Variants in GPRASP2 observed in about 807,000 individuals in gnomAD.
GPRASP2 encodes the protein G protein-coupled receptor-associated sorting protein 2.
A neutral mutation model predicts 36.0 loss-of-function variants in GPRASP2; 10 were observed. The ratio of observed to expected loss-of-function variants is 0.28; its 90% CI spans 0.17 to 0.47. The LOEUF (loss-of-function observed/expected upper bound fraction) is 0.47. Ranked by LOEUF, GPRASP2 falls within the 20% of genes least tolerant of loss-of-function variation. The probability of loss-of-function intolerance (pLI) is 0.99; values close to 1 mark genes in which losing one functional copy is unlikely to be tolerated. For synonymous variants in GPRASP2, 219 were observed against 230.5 expected (o/e 0.95, Z 0.45); for missense variants, 538 against 626.7 (o/e 0.86, Z 1.51).
chrX:102,716,432 T>C lies in GPRASP2; in HGVS notation c.1563T>C (p.Ser521=). The C allele has an allele frequency of 8.2e-7, 1 of 1,212,182 alleles. No individual in the cohort carries two copies. The highest frequency in any genetic ancestry group is 1.1e-6 in the Non-Finnish European group (1 of 895,639). The change falls in exon 5 of 5, where the codon TCT becomes TCC. Residue 521 remains serine (S), a synonymous_variant. Coordinates refer to ENST00000483720, the MANE Select transcript of GPRASP2 (RefSeq NM_001004051.4). ...CCTTTGGAATTCCCGAAGAGGCTTCTGAAATGCTTGAGGCAAAGCCCAAGA... is the reference window on the plus strand; with the variant it reads ...CCTTTGGAATTCCCGAAGAGGCTTCCGAAATGCTTGAGGCAAAGCCCAAGA... ...TSPFGIPEEA[S]EMLEAKPKNL...
In GPRASP2 at chrX:102,717,140, T is replaced by C. The variant is rs766174282; in HGVS notation, c.2271T>C (p.Ser757=). ...ENPAVAKKLF[S]AKALSIFVGL... is the part of the protein sequence containing the mutation. ...CTGCTGTGGCAAAAAAACTATTCAG[T>C]GCCAAAGCTCTTTCAATATTTGTGG... is the stretch of plus-strand genomic sequence containing the variant. The change falls in exon 5 of 5, where the codon AGT becomes AGC. Residue 757 remains serine, a synonymous_variant. Coordinates refer to ENST00000483720, the MANE Select transcript of GPRASP2 (RefSeq NM_001004051.4). The C allele has an allele frequency of 2.5e-6, 3 of 1,192,155 alleles. No individual in the cohort carries two copies. Among genetic ancestry groups the C allele is most frequent in the Non-Finnish European group, 2.3e-6 (2 of 882,194 alleles).
rs1197503202 is a variant in GPRASP2 at position 102,716,643 on chromosome X, A to C, written c.1774A>C (p.Lys592Gln). Reference sequence around the variant, plus strand: ...CTGCAGCTGCATACAATGTGAGCTGAAAATTGGTTCTGAAGAGTTTGAAGA... The same window carrying C: ...CTGCAGCTGCATACAATGTGAGCTGCAAATTGGTTCTGAAGAGTTTGAAGA... ...WSCSCIQCEL[K>Q]IGSEEFEEFL... Residue 592 changes from lysine (K) to glutamine (Q), a missense_variant, in exon 5 of 5, where the codon AAA becomes CAA. Lys to Gln is a moderately conservative substitution (Grantham distance 53). This residue lies in a region of GPRASP2 where 262 missense variants were observed against 351.7 expected (regional missense o/e 0.74). Transcript: ENST00000483720. The C allele has an allele frequency of 8.3e-7, 1 of 1,212,016 alleles. No individual in the cohort carries two copies.
At chrX:102,713,998 G>A in intron 3 of GPRASP2, 149 bp downstream of exon 3, 1 of 111,493 alleles carries the variant, frequency 9.0e-6, no homozygotes, top group Non-Finnish European at 1.9e-5. Flanking sequence ...ATTTCTTGCA[G>A]GAGACACGAG....
In GPRASP2 at chrX:102,717,124, C is replaced by CA. The variant is rs776254952; in HGVS notation, c.2262dup (p.Leu755ThrfsTer15). 1.7e-6 allele frequency: 2 copies of CA among 1,199,482 alleles called. No individual in the cohort carries two copies. Among genetic ancestry groups the CA allele is most frequent in the Non-Finnish European group, 2.3e-6 (2 of 886,474 alleles). On this transcript the variant is annotated frameshift_variant, in exon 5 of 5. Coordinates refer to ENST00000483720, the MANE Select transcript of GPRASP2 (RefSeq NM_001004051.4). LOFTEE classifies it high-confidence loss of function. ...AATTTGTCTGAAAATCCTGCTGTGG[C>CA]AAAAAAACTATTCAGTGCCAAAGCT...
chrX:102,716,868 C>T lies in GPRASP2; in HGVS notation c.1999C>T (p.Pro667Ser), dbSNP rs372423590. 7.4e-6 allele frequency: 9 copies of T among 1,209,546 alleles called. No homozygotes were observed. In the African/African-American group the frequency reaches 1.6e-4, roughly 21 times the overall value. The change falls in exon 5 of 5, where the codon CCA becomes TCA. Residue 667 changes from proline to serine, a missense_variant. Pro to Ser is a moderately conservative substitution (Grantham distance 74). Around this residue, in one of 2 missense-constraint regions of GPRASP2, gnomAD observed 262 missense variants for 351.7 expected, o/e 0.74. Coordinates refer to ENST00000483720, the MANE Select transcript of GPRASP2 (RefSeq NM_001004051.4). ...SFLENMIHMA[P>S]PYPNLNMIET... ...TTTGGAAAATATGATTCACATGGCTCCACCTTATCCAAATCTAAACATGAT... is the reference window on the plus strand; with the variant it reads ...TTTGGAAAATATGATTCACATGGCTTCACCTTATCCAAATCTAAACATGAT...
In GPRASP2 at chrX:102,714,940, C is replaced by T; in HGVS notation, c.71C>T (p.Ala24Val). ...AAGAAGGCTGGGGAAGAGGTTATCGCTGGGCCTGAGAGAGAGAATGATGTC... is the reference window on the plus strand; with the variant it reads ...AAGAAGGCTGGGGAAGAGGTTATCGTTGGGCCTGAGAGAGAGAATGATGTC... Reference protein sequence around the residue: ...PEKKAGEEVIAGPERENDVPL... With the variant: ...PEKKAGEEVIVGPERENDVPL... Residue 24 changes from alanine (A) to valine (V), a missense_variant, in exon 5 of 5, where the codon GCT becomes GTT. By Grantham distance (64) the Ala-to-Val change is moderately conservative. Transcript: ENST00000483720. 2 of 1,212,474 alleles carry T rather than the reference C, an allele frequency of 1.6e-6. No homozygotes were observed. Among genetic ancestry groups the T allele is most frequent in the Non-Finnish European group, 2.2e-6 (2 of 895,676 alleles).
At chrX:102,712,893 C>A (rs2081894297) in intron 1 of GPRASP2, among the ~76,000 whole-genome samples, 1 of 112,715 alleles carries the variant, frequency 8.9e-6, no homozygotes, top group Non-Finnish European at 1.9e-5. Flanking sequence ...GAGGCTCCTG[C>A]GGGAGAAATG....
chrX:102,716,949 C>T lies in GPRASP2; in HGVS notation c.2080C>T (p.Leu694Phe). Reference protein sequence around the residue: ...EETLAHSVDSLEQLTGIRMLR... With the variant: ...EETLAHSVDSFEQLTGIRMLR... ...AACCCTTGCACATAGTGTGGATTCC[C>T]TTGAGCAGCTGACTGGAATAAGGAT... is the stretch of plus-strand genomic sequence containing the variant. Residue 694 changes from leucine (L) to phenylalanine (F), a missense_variant, in exon 5 of 5, where the codon CTT (leucine) becomes TTT (phenylalanine). Physicochemically the swap from Leu to Phe is conservative, Grantham distance 22. Around this residue, in one of 2 missense-constraint regions of GPRASP2, gnomAD observed 262 missense variants for 351.7 expected, o/e 0.74. Transcript: ENST00000483720. 1 of 1,202,125 alleles carries T rather than the reference C, an allele frequency of 8.3e-7. No homozygotes were observed. Among genetic ancestry groups the T allele is most frequent in the Non-Finnish European group, 1.1e-6 (1 of 890,297 alleles).
At position 102,715,304 on chromosome X, in the gene GPRASP2, G is replaced by C. The variant is rs2081946082; in HGVS notation, c.435G>C (p.Val145=). ...GTEAVSQAEG[V]SQTNAVAWPL... is the part of the protein sequence containing the mutation. ...AAGCAGTGTCACAGGCAGAAGGAGT[G>C]TCCCAGACTAATGCCGTTGCTTGGC... The change falls in exon 5 of 5, where the codon GTG becomes GTC. Residue 145 remains valine, a synonymous_variant. Transcript: ENST00000483720. The C allele has an allele frequency of 8.2e-7, 1 of 1,212,582 alleles. No homozygotes were observed. Among genetic ancestry groups the C allele is most frequent in the Non-Finnish European group, 1.1e-6 (1 of 895,661 alleles).
chrX:102,716,881 A>T lies in GPRASP2; in HGVS notation c.2012A>T (p.Asn671Ile), dbSNP rs765811522. 8.3e-7 allele frequency: 1 copy of T among 1,209,601 alleles called. No homozygotes were observed. Among genetic ancestry groups the T allele is most frequent in the Non-Finnish European group, 1.1e-6 (1 of 895,118 alleles). The stretch of plus-strand genomic sequence containing the variant: ...ATTCACATGGCTCCACCTTATCCAA[A>T]TCTAAACATGATTGAGACATTCATA... The part of the protein sequence containing the change: ...NMIHMAPPYP[N>I]LNMIETFICQ... The change falls in exon 5 of 5, where the codon AAT (asparagine) becomes ATT (isoleucine). Residue 671 changes from asparagine (N) to isoleucine (I), a missense_variant. Coordinates refer to ENST00000483720, the MANE Select transcript of GPRASP2 (RefSeq NM_001004051.4).
chrX:102,716,181 G>T lies in GPRASP2; in HGVS notation c.1312G>T (p.Glu438Ter). ...KSSLGAVARE[E>*]AKPESEEEAI... ...CAGTTTGGGGGCTGTGGCCAGAGAAGAGGCCAAGCCGGAGTCTGAAGAAGA... is the reference window on the plus strand; with the variant it reads ...CAGTTTGGGGGCTGTGGCCAGAGAATAGGCCAAGCCGGAGTCTGAAGAAGA... Residue 438 changes from glutamate (E) to a stop codon, truncating the protein, a stop_gained, in exon 5 of 5, where the codon GAG (glutamate) becomes TAG (stop). Coordinates refer to ENST00000483720, the MANE Select transcript of GPRASP2 (RefSeq NM_001004051.4). LOFTEE classifies it high-confidence loss of function. 1.7e-6 allele frequency: 2 copies of T among 1,210,019 alleles called. No individual in the cohort carries two copies. The highest frequency in any genetic ancestry group is 2.2e-6 in the Non-Finnish European group (2 of 894,956).
At position 102,715,924 on chromosome X, in the gene GPRASP2, A is replaced by G. The variant is rs1051343650; in HGVS notation, c.1055A>G (p.His352Arg). 1.2e-5 allele frequency: 14 copies of G among 1,210,145 alleles called. No homozygotes were observed. The highest frequency in any genetic ancestry group is 2.3e-4 in the Middle Eastern group (1 of 4,375). ...GAAGAGGCCAATAGTAGATTCAGGC[A>G]CAGAGACAAAGAAGATCCTAATACT... is the stretch of plus-strand genomic sequence containing the variant. ...PGEEANSRFR[H>R]RDKEDPNTAL... The change falls in exon 5 of 5, where the codon CAC becomes CGC. Residue 352 changes from histidine to arginine, a missense_variant. Coordinates refer to ENST00000483720, the MANE Select transcript of GPRASP2 (RefSeq NM_001004051.4).
chrX:102,713,241 G>A (rs1374600129), intron 2 of GPRASP2, 24 bp downstream of exon 2: 1 of 111,970 alleles, frequency 8.9e-6, no homozygotes, highest in Non-Finnish European at 1.9e-5. Context: ...GGGGTTGGGC[G>A]CTAAACACTG....
At position 102,717,211 on chromosome X, in the gene GPRASP2, T is replaced by C; in HGVS notation, c.2342T>C (p.Ile781Thr). 1 of 1,125,796 alleles carries C rather than the reference T, an allele frequency of 8.9e-7. No homozygotes were observed. Among genetic ancestry groups the C allele is most frequent in the Non-Finnish European group, 1.2e-6 (1 of 853,130 alleles). 92.8% of individuals were successfully genotyped at this position (1,125,796 alleles called of 1,213,427 possible). A position where few individuals can be genotyped will look rare whatever the true frequency, so the allele number is the denominator to read the frequency against. ...ACAAATGATAATATTCAAATTGTTA[T>C]TAAAATGTTTCAGAATATCAGTAAC... is the stretch of plus-strand genomic sequence containing the variant. Reference protein sequence around the residue: ...EETNDNIQIVIKMFQNISNII... With the variant: ...EETNDNIQIVTKMFQNISNII... Residue 781 changes from isoleucine to threonine, a missense_variant, in exon 5 of 5, where the codon ATT becomes ACT. Around this residue, in one of 2 missense-constraint regions of GPRASP2, gnomAD observed 262 missense variants for 351.7 expected, o/e 0.74. Transcript: ENST00000483720.
In GPRASP2 at chrX:102,715,655, T is replaced by A. The variant is rs755988446; in HGVS notation, c.786T>A (p.His262Gln). 8.3e-7 allele frequency: 1 copy of A among 1,211,122 alleles called. No homozygotes were observed. Among genetic ancestry groups the A allele is most frequent in the Non-Finnish European group, 1.1e-6 (1 of 895,351 alleles). ...CCAGGTCCAGGCACAGGGCTAAACATCAGACTAATCCCAGGTCCAGGCCCA... is the reference window on the plus strand; with the variant it reads ...CCAGGTCCAGGCACAGGGCTAAACAACAGACTAATCCCAGGTCCAGGCCCA... ...SNTRSRHRAKHQTNPRSRPRS... is the reference protein window; with the variant it reads ...SNTRSRHRAKQQTNPRSRPRS... The change falls in exon 5 of 5, where the codon CAT becomes CAA. Residue 262 changes from histidine to glutamine, a missense_variant. Transcript: ENST00000483720.
chrX:102,717,156 A>G lies in GPRASP2; in HGVS notation c.2287A>G (p.Ile763Val). 2.5e-6 allele frequency: 3 copies of G among 1,186,401 alleles called. No homozygotes were observed. The highest frequency in any genetic ancestry group is 3.5e-5 in the African/African-American group (2 of 57,231). The change falls in exon 5 of 5, where the codon ATA (isoleucine) becomes GTA (valine). Residue 763 changes from isoleucine (I) to valine (V), a missense_variant. By Grantham distance (29) the Ile-to-Val change is conservative. Transcript: ENST00000483720. ...ACTATTCAGTGCCAAAGCTCTTTCA[A>G]TATTTGTGGGTCTCTTTAACATAGA... ...KKLFSAKALS[I>V]FVGLFNIEET...
rs952584183 is a variant in GPRASP2 at position 102,715,657 on chromosome X, A to G, written c.788A>G (p.Gln263Arg). The G allele has an allele frequency of 2.4e-5, 29 of 1,209,866 alleles. No homozygotes were observed. The highest frequency in any genetic ancestry group is 4.6e-4 in the Middle Eastern group (2 of 4,370). ...AGGTCCAGGCACAGGGCTAAACATC[A>G]GACTAATCCCAGGTCCAGGCCCAGA... is the stretch of plus-strand genomic sequence containing the variant. ...NTRSRHRAKH[Q>R]TNPRSRPRSK... Residue 263 changes from glutamine (Q) to arginine (R), a missense_variant, in exon 5 of 5, where the codon CAG (glutamine) becomes CGG (arginine). Physicochemically the swap from Gln to Arg is conservative, Grantham distance 43. Coordinates refer to ENST00000483720, the MANE Select transcript of GPRASP2 (RefSeq NM_001004051.4).
Position 102,717,581 on chromosome X carries a change from T to A in GPRASP2, c.*195T>A. The A allele has an allele frequency of 8.0e-6, 5 of 626,246 alleles. No homozygotes were observed. Among genetic ancestry groups the A allele is most frequent in the Non-Finnish European group, 1.1e-5 (5 of 464,256 alleles). 51.6% of individuals were successfully genotyped at this position (626,246 alleles called of 1,213,427 possible). ...TCAAAACTGAAAACACATTTGTTGA[T>A]ATTTGTCTTGCTGTCCAGATTGCGG... On this transcript the variant is annotated 3_prime_UTR_variant, in exon 5 of 5. Coordinates refer to ENST00000483720, the MANE Select transcript of GPRASP2 (RefSeq NM_001004051.4).
At position 102,715,434 on chromosome X, in the gene GPRASP2, C is replaced by A. The variant is rs756528268; in HGVS notation, c.565C>A (p.Gln189Lys). 1.6e-6 allele frequency: 2 copies of A among 1,212,141 alleles called. No individual in the cohort carries two copies. Among genetic ancestry groups the A allele is most frequent in the South Asian group, 1.8e-5 (1 of 56,984 alleles). The stretch of plus-strand genomic sequence containing the variant: ...TGAAACCTTTCCTGGCACCCAGGGT[C>A]AGAAAGGAATCCAGCCCTGGTTTGG... ...DAETFPGTQGQKGIQPWFGPG... is the reference protein window; with the variant it reads ...DAETFPGTQGKKGIQPWFGPG... Residue 189 changes from glutamine to lysine, a missense_variant, in exon 5 of 5, where the codon CAG becomes AAG. Transcript: ENST00000483720.
Sources: allele counts gnomAD v4.1 joint callset (sites outside exome capture counted in the v4.1 genomes callset), GRCh38; gene constraint gnomAD v4.1.1; regional missense constraint gnomAD v4.1.1; transcripts MANE v1.5; gene names NCBI Gene and HGNC (gene_info 2026-07-23, HGNC 2026-07-21).